Variants in ADAM2 observed in about 807,000 individuals in gnomAD.
ADAM2 encodes the protein ADAM metallopeptidase domain 2, also known as disintegrin and metalloproteinase domain-containing protein 2.
In ADAM2, 101 loss-of-function variants were observed where a neutral mutation model predicts 99.3. The observed-to-expected ratio is 1.02, with a 90% CI of 0.87 to 1.20. The LOEUF (loss-of-function observed/expected upper bound fraction) is 1.20, where lower values mean the gene tolerates loss of function less well. Ranked by LOEUF, ADAM2 falls within the 50% of genes most tolerant of loss-of-function variation. ADAM2 has a pLI of 0.00. For missense variants in ADAM2, 948 were observed against 878.7 expected (o/e 1.08, Z -1.00); for synonymous variants, 323 against 287.6 (o/e 1.12, Z -1.25).
chr8:39,820,239 C>T (rs1038700716), intron 6 of ADAM2, among the ~76,000 whole-genome samples: 1 of 152,140 alleles, frequency 6.6e-6, no homozygotes, highest in Non-Finnish European at 1.5e-5. Flanking sequence ...GAATTACCAT[C>T]TCAAGTGATG....
chr8:39,810,995 A>G (rs898664045), intron 6 of ADAM2, among the ~76,000 whole-genome samples: 1 of 152,190 alleles, frequency 6.6e-6, no homozygotes, highest in African/African-American at 2.4e-5. Context: ...CAATGAATCC[A>G]GGAGCTGGTT....
chr8:39,804,973 T>C (rs1026880883), intron 7 of ADAM2, among the ~76,000 whole-genome samples: 2 of 152,162 alleles, frequency 1.3e-5, no homozygotes, highest in East Asian at 1.9e-4. Context: ...TATCACAAGC[T>C]GAGTAGCTTA....
At position 39,769,393 on chromosome 8, in the gene ADAM2, T is replaced by C. The variant is rs1030244627; in HGVS notation, c.1211A>G (p.Gln404Arg). ...AGEECDCGTE[Q>R]DCALIGETCC... Reference sequence around the variant, plus strand: ...GTAGTCTTCCGAATTAGTACCAACCTGTTCAGTCCCACAGTCACACTCCTC... The same window carrying C: ...GTAGTCTTCCGAATTAGTACCAACCCGTTCAGTCCCACAGTCACACTCCTC... The change falls in exon 12 of 21, where the codon CAG (glutamine) becomes CGG (arginine). Residue 404 changes from glutamine to arginine, a missense_variant and splice_region_variant. Coordinates refer to ENST00000265708, the MANE Select transcript of ADAM2 (RefSeq NM_001464.5). 6.2e-7 allele frequency: 1 copy of C among 1,611,864 alleles called. No homozygotes were observed. The highest frequency in any genetic ancestry group is 8.5e-7 in the Non-Finnish European group (1 of 1,178,592).
intron 10 of ADAM2, among the ~76,000 whole-genome samples, chr8:39,779,184 C>T (rs1299283067): frequency 6.6e-6 from 1 of 152,008 alleles, no homozygotes; most frequent in African/African-American, 2.4e-5. Context: ...AATTTATTTC[C>T]TTGCAGTTCT....
intron 7 of ADAM2, among the ~76,000 whole-genome samples, chr8:39,791,624 C>G (rs1271465993): frequency 6.6e-6 from 1 of 152,016 alleles, no homozygotes; most frequent in Non-Finnish European, 1.5e-5. Context: ...GCTGTACTCT[C>G]TTCGTTGAGC....
At chr8:39,795,583 T>C (rs1803903699) in intron 7 of ADAM2, among the ~76,000 whole-genome samples, 1 of 152,128 alleles carries the variant, frequency 6.6e-6, no homozygotes, top group Non-Finnish European at 1.5e-5. Context: ...TTACTGCCCT[T>C]CCAGACTGAA....
intron 19 of ADAM2, among the ~76,000 whole-genome samples, chr8:39,745,718 G>A (rs1823413883): frequency 1.3e-5 from 2 of 151,668 alleles, no homozygotes; most frequent in Admixed American, 1.3e-4. Flanking sequence ...CCAAAAAAAA[G>A]CTAAATTACT....
intron 11 of ADAM2, among the ~76,000 whole-genome samples, chr8:39,776,573 C>T (rs1328544120): frequency 6.6e-6 from 1 of 151,960 alleles, no homozygotes; most frequent in Non-Finnish European, 1.5e-5. Flanking sequence ...TCGTTGAGGC[C>T]TGATTAGAAT....
intron 11 of ADAM2, among the ~76,000 whole-genome samples, chr8:39,775,108 TC>T (rs1363016772): frequency 1.3e-5 from 2 of 152,146 alleles, no homozygotes; most frequent in African/African-American, 2.4e-5. Flanking sequence ...TACAGAATTT[TC>T]CCTAGTTGGT....
At chr8:39,826,022 C>T (rs909284087) in intron 3 of ADAM2, among the ~76,000 whole-genome samples, 1 of 152,106 alleles carries the variant, frequency 6.6e-6, no homozygotes, top group African/African-American at 2.4e-5. Flanking sequence ...CATGAACATG[C>T]TTTATCTTTC....
At chr8:39,751,840 T>C (rs1586045253) in intron 16 of ADAM2, among the ~76,000 whole-genome samples, 1 of 141,296 alleles carries the variant, frequency 7.1e-6, no homozygotes, top group Non-Finnish European at 1.5e-5. Flanking sequence ...GTACATACTC[T>C]TTTTTTTTTT....
rs199506988 is a variant in ADAM2 at position 39,753,426 on chromosome 8, G to GA, written c.1797+2301dup. On this transcript the variant is annotated intron_variant, in intron 16 of 20. Transcript: ENST00000265708. ...AAATTTGCAGCCTGATGATGCAATA[G>GA]AAAAAAAAAAAACCCATGTTCTGGG... is the stretch of plus-strand genomic sequence containing the variant. 6.9e-3 allele frequency among the ~76,000 whole-genome samples: 971 copies of GA among 140,874 alleles called. 3 individuals carry two copies. Among genetic ancestry groups the GA allele is most frequent in the African/African-American group, 0.019 (732 of 39,028 alleles). 92.4% of individuals were successfully genotyped at this position (140,874 alleles called of 152,430 possible). A position where few individuals can be genotyped will look rare whatever the true frequency, so the allele number is the denominator to read the frequency against.
At chr8:39,785,258 C>T (rs557685748) in intron 10 of ADAM2, among the ~76,000 whole-genome samples, 13 of 152,254 alleles carry the variant, frequency 8.5e-5, no homozygotes, top group Admixed American at 2.0e-4. Context: ...TAGTTTTATT[C>T]TTCTGTGTAT....
At chr8:39,802,455 G>A (rs1402246680) in intron 7 of ADAM2, among the ~76,000 whole-genome samples, 1 of 152,070 alleles carries the variant, frequency 6.6e-6, no homozygotes. Flanking sequence ...TTAGATTCTA[G>A]CTCTGTTCAT....
Position 39,756,473 on chromosome 8 carries a change from A to C in ADAM2, c.1614-562T>G, listed in dbSNP as rs568672595. 3.3e-5 allele frequency among the ~76,000 whole-genome samples: 5 copies of C among 152,290 alleles called. No individual in the cohort carries two copies. In the South Asian group the frequency reaches 1.0e-3, roughly 32 times the overall value. ...CATAAGATTTTTATTTGGCCCTTGC[A>C]TCCTGTTTGGAATCTTAAATGCTAC... On this transcript the variant is annotated intron_variant, in intron 15 of 20. Transcript: ENST00000265708.
At chr8:39,763,873 G>C (rs111754878) in intron 14 of ADAM2, among the ~76,000 whole-genome samples, 1 of 152,014 alleles carries the variant, frequency 6.6e-6, no homozygotes, top group Non-Finnish European at 1.5e-5. Context: ...GATTTCAGTT[G>C]AGGCAAACAA....
chr8:39,799,752 CTCT>C (rs1156862891), intron 7 of ADAM2, among the ~76,000 whole-genome samples: 1 of 152,178 alleles, frequency 6.6e-6, no homozygotes, highest in Admixed American at 6.5e-5. Flanking sequence ...GAATAGTTAG[CTCT>C]TCTTGTCAAA....
At chr8:39,821,528 T>C (rs1805187754) in intron 5 of ADAM2, 58 bp downstream of exon 5, 2 of 1,307,266 alleles carry the variant, frequency 1.5e-6, no homozygotes, top group Non-Finnish European at 2.2e-6. Context: ...TTAAAATGTT[T>C]AAAATAATTT....
intron 3 of ADAM2, 22 bp from the exon 4 acceptor site, chr8:39,824,919 G>C: frequency 9.4e-7 from 1 of 1,065,552 alleles, no homozygotes; most frequent in South Asian, 1.4e-5. Context: ...AGATAAAATG[G>C]AAAAATTTGA....
Sources: allele counts gnomAD v4.1 joint callset (sites outside exome capture counted in the v4.1 genomes callset), GRCh38; gene constraint gnomAD v4.1.1; transcripts MANE v1.5; gene names NCBI Gene and HGNC (gene_info 2026-07-23, HGNC 2026-07-21).